Variants in LRP1B observed in about 807,000 individuals in gnomAD.
LRP1B encodes the protein LDL receptor related protein 1B, also known as low-density lipoprotein receptor-related protein 1B.
LRP1B carries 217 observed loss-of-function variants against 556.6 expected under a neutral mutation model. The observed-to-expected ratio is 0.39, with a 90% CI of 0.35 to 0.44. The LOEUF (loss-of-function observed/expected upper bound fraction) is 0.44, where lower values mean the gene tolerates loss of function less well. Among genes scored for constraint, LRP1B ranks in the 20% least tolerant of loss-of-function variants. LRP1B has a pLI of 1.00. For missense variants in LRP1B, 5,053 were observed against 5,620.8 expected (o/e 0.90, Z 3.23); for synonymous variants, 2,047 against 1,865.8 (o/e 1.10, Z -2.50).
At chr2:140,453,214 T>G (rs1383158530) in intron 62 of LRP1B, among the ~76,000 whole-genome samples, 1 of 151,952 alleles carries the variant, frequency 6.6e-6, no homozygotes, top group Non-Finnish European at 1.5e-5. Flanking sequence ...AAACATGAAC[T>G]GTTGGAATTA....
chr2:141,312,654 C>A (rs1686856094), intron 3 of LRP1B, among the ~76,000 whole-genome samples: 1 of 151,794 alleles, frequency 6.6e-6, no homozygotes, highest in South Asian at 2.1e-4. Flanking sequence ...TGAATGTAAT[C>A]CATTTATTTA....
At chr2:140,499,841 T>C (rs937928724) in intron 55 of LRP1B, among the ~76,000 whole-genome samples, 11 of 151,982 alleles carry the variant, frequency 7.2e-5, no homozygotes, top group Admixed American at 2.6e-4. Context: ...CAATACATCA[T>C]TATGTGGTAC....
chr2:141,563,832 C>T (rs1157469089), intron 2 of LRP1B, among the ~76,000 whole-genome samples: 4 of 151,788 alleles, frequency 2.6e-5, no homozygotes, highest in African/African-American at 7.3e-5. Flanking sequence ...TGAGTACTTA[C>T]GGATATAAAG....
At chr2:142,081,871 T>C (rs1263237798) in intron 1 of LRP1B, among the ~76,000 whole-genome samples, 1 of 152,158 alleles carries the variant, frequency 6.6e-6, no homozygotes, top group African/African-American at 2.4e-5. Flanking sequence ...AACTATTTTG[T>C]GAGTTGGTAA....
intron 41 of LRP1B, among the ~76,000 whole-genome samples, chr2:140,633,797 T>C (rs1347342355): frequency 1.3e-5 from 2 of 151,996 alleles, no homozygotes; most frequent in African/African-American, 4.8e-5. Flanking sequence ...ATTAAAGAAA[T>C]AGAATCAACA....
chr2:142,117,003 TTTTTC>T (rs1373901491), intron 1 of LRP1B, among the ~76,000 whole-genome samples: 3 of 152,264 alleles, frequency 2.0e-5, no homozygotes, highest in Admixed American at 2.0e-4. Flanking sequence ...CTGCTCCCTT[TTTTTC>T]TTTTCTTTAT....
chr2:140,317,684 T>G (rs148493926), intron 82 of LRP1B, among the ~76,000 whole-genome samples: 16 of 152,244 alleles, frequency 1.1e-4, no homozygotes, highest in Non-Finnish European at 1.8e-4. Context: ...TAATAAAGGT[T>G]GTGGATGTGG....
chr2:141,041,581 A>G (rs1698699256), intron 11 of LRP1B, among the ~76,000 whole-genome samples: 1 of 152,056 alleles, frequency 6.6e-6, no homozygotes, highest in Non-Finnish European at 1.5e-5. Flanking sequence ...ACCTCCAGAT[A>G]AGTCAAGATA....
chr2:140,667,043 C>T (rs1574215794), intron 41 of LRP1B, among the ~76,000 whole-genome samples: 1 of 152,244 alleles, frequency 6.6e-6, no homozygotes, highest in East Asian at 1.9e-4. Context: ...TCTGAAGTAA[C>T]TATTGTGTTT....
chr2:140,784,813 C>T (rs891023221), intron 32 of LRP1B, among the ~76,000 whole-genome samples: 32 of 151,648 alleles, frequency 2.1e-4, no homozygotes, highest in African/African-American at 7.3e-4. Context: ...TTGAAAAAAT[C>T]CTCAAGGAAA....
intron 2 of LRP1B, among the ~76,000 whole-genome samples, chr2:141,557,953 C>T (rs1686021194): frequency 6.6e-6 from 1 of 151,772 alleles, no homozygotes; most frequent in Non-Finnish European, 1.5e-5. Flanking sequence ...TTGTTTTTGG[C>T]CAGAATACAC....
At chr2:141,772,103 G>T (rs1212990671) in intron 2 of LRP1B, among the ~76,000 whole-genome samples, 1 of 151,996 alleles carries the variant, frequency 6.6e-6, no homozygotes, top group African/African-American at 2.4e-5. Context: ...ACCATGCCCG[G>T]CCGATGATCT....
chr2:140,697,031 C>T (rs1006184216), intron 41 of LRP1B, among the ~76,000 whole-genome samples: 1 of 152,076 alleles, frequency 6.6e-6, no homozygotes, highest in Non-Finnish European at 1.5e-5. Context: ...GAAATAAACA[C>T]ATAGAAGTAC....
intron 2 of LRP1B, among the ~76,000 whole-genome samples, chr2:141,499,338 G>A (rs1245707957): frequency 1.3e-5 from 2 of 152,012 alleles, no homozygotes; most frequent in African/African-American, 2.4e-5. Flanking sequence ...TATTCACAAC[G>A]ATCCACTGCC....
Position 141,834,588 on chromosome 2 carries a change from T to C in LRP1B, c.83-24187A>G, listed in dbSNP as rs569666450. On this transcript the variant is annotated intron_variant, in intron 1 of 90. Coordinates refer to ENST00000389484, the MANE Select transcript of LRP1B (RefSeq NM_018557.3). ...CGAGTTCTGTTTTGAGCATATGTTATTGAAGGCAATGATATGAGATTCTGA... is the reference window on the plus strand; with the variant it reads ...CGAGTTCTGTTTTGAGCATATGTTACTGAAGGCAATGATATGAGATTCTGA... Among the ~76,000 whole-genome samples, 28 of 151,974 alleles carry C rather than the reference T, an allele frequency of 1.8e-4. 1 individual carries two copies. In the Middle Eastern group the frequency reaches 0.01, roughly 55 times the overall value.
Position 141,844,508 on chromosome 2 carries a change from T to C in LRP1B, c.83-34107A>G, listed in dbSNP as rs150176011. On this transcript the variant is annotated intron_variant, in intron 1 of 90. Coordinates refer to ENST00000389484, the MANE Select transcript of LRP1B (RefSeq NM_018557.3). ...GGCAGTTTTTGTTTTTTCATTGATA[T>C]TAACCCAGCACTTAGAACAATGTCA... Among the ~76,000 whole-genome samples, 43 of 152,184 alleles carry C rather than the reference T, an allele frequency of 2.8e-4. No homozygotes were observed. The East Asian group carries it at 7.2e-3, about 25-fold the overall frequency.
intron 41 of LRP1B, among the ~76,000 whole-genome samples, chr2:140,654,587 G>T (rs943573506): frequency 6.6e-6 from 1 of 150,962 alleles, no homozygotes; most frequent in Non-Finnish European, 1.5e-5. Flanking sequence ...CACTTCATCA[G>T]TGTGAGGCAT....
At chr2:141,206,352 C>T (rs1012843822) in intron 6 of LRP1B, among the ~76,000 whole-genome samples, 2 of 151,908 alleles carry the variant, frequency 1.3e-5, no homozygotes, top group Non-Finnish European at 2.9e-5. Flanking sequence ...AAGGCCGAGG[C>T]GGGCAGATCA....
intron 37 of LRP1B, among the ~76,000 whole-genome samples, chr2:140,703,297 C>G (rs1686712626): frequency 6.6e-6 from 1 of 151,970 alleles, no homozygotes; most frequent in South Asian, 2.1e-4. Flanking sequence ...AAGAAAATGT[C>G]ATGCAGAAAG....
Sources: gnomAD v4.1 joint callset for allele counts (sites outside exome capture counted in the v4.1 genomes callset) on GRCh38, gnomAD v4.1.1 for gene constraint, MANE v1.5 for transcripts, NCBI Gene and HGNC (gene_info 2026-07-23, HGNC 2026-07-21) for gene names.